The following KICS2 variants were observed in gnomAD, a reference collection of about 807,000 sequenced individuals.
The protein encoded by KICS2 is KICSTOR complex protein C12orf66.
A neutral mutation model predicts 31.4 loss-of-function variants in KICS2; 13 were observed. That is an observed-to-expected ratio of 0.41 (90% CI 0.27 to 0.66). The LOEUF is 0.66. Among genes scored for constraint, KICS2 ranks in the 30% least tolerant of loss-of-function variants. KICS2 has a pLI of 0.28. For synonymous variants in KICS2, 209 were observed against 214.8 expected, an observed-to-expected ratio of 0.97 and a Z score of 0.24; for missense variants, 455 against 545.4, an observed-to-expected ratio of 0.83 and a Z score of 1.65.
chr12:64,218,635 G>A (rs577608109), intron 1 of KICS2, among the ~76,000 whole-genome samples: 5 of 152,020 alleles, frequency 3.3e-5, no homozygotes, highest in Non-Finnish European at 5.9e-5. Context: ...ACTATTAAAC[G>A]GGGTGGCCTT....
intron 1 of KICS2, among the ~76,000 whole-genome samples, chr12:64,220,340 G>A (rs1300146493): frequency 1.3e-5 from 2 of 151,988 alleles, no homozygotes; most frequent in Non-Finnish European, 1.5e-5. Context: ...TTACACACAG[G>A]GCAGCCAGTT....
chr12:64,188,070 G>GA (rs1336418565), downstream of KICS2, among the ~76,000 whole-genome samples: 1 of 152,026 alleles, frequency 6.6e-6, no homozygotes, highest in Non-Finnish European at 1.5e-5. Flanking sequence ...CTCGCTGCCT[G>GA]AAAAAAAGTA....
Position 64,221,232 on chromosome 12 carries a change from G to A in KICS2, c.235+771C>T, listed in dbSNP as rs2037680004. Reference sequence around the variant, plus strand: ...CTGAAAATTGAAGAGTCTAAAACAGGTCAAAGTACTGACTCTGAAACCCCT... The same window carrying A: ...CTGAAAATTGAAGAGTCTAAAACAGATCAAAGTACTGACTCTGAAACCCCT... On this transcript the variant is annotated intron_variant, in intron 1 of 2. Coordinates refer to ENST00000398055, the MANE Select transcript of KICS2 (RefSeq NM_152440.5). 3.3e-5 allele frequency among the ~76,000 whole-genome samples: 5 copies of A among 152,036 alleles called. No individual in the cohort carries two copies. The South Asian group carries it at 1.0e-3, about 32-fold the overall frequency.
At chr12:64,216,098 T>A in intron 1 of KICS2, 135 bp from the exon 2 acceptor site, 1 of 686,518 alleles carries the variant, frequency 1.5e-6, no homozygotes, top group Non-Finnish European at 2.4e-6. Context: ...ATTCTCTGTC[T>A]ATGATTGAGA....
chr12:64,205,756 A>AAAGGGAAGGAAG (rs1565717641), intron 2 of KICS2, among the ~76,000 whole-genome samples: 3 of 35,162 alleles, frequency 8.5e-5, no homozygotes, highest in Admixed American at 5.8e-4. Context: ...GAGGGAGGGA[A>AAAGGGAAGGAAG]AAGGGAAGGA....
intron 2 of KICS2, among the ~76,000 whole-genome samples, chr12:64,195,197 G>C (rs1334492414): frequency 6.6e-6 from 1 of 152,204 alleles, no homozygotes; most frequent in Non-Finnish European, 1.5e-5. Flanking sequence ...TTACAGGTGT[G>C]GGCCACCATG....
chr12:64,216,091 C>T (rs757815707), intron 1 of KICS2, 128 bp from the exon 2 acceptor site: 168 of 644,758 alleles, frequency 2.6e-4, no homozygotes, highest in Non-Finnish European at 3.8e-4. Flanking sequence ...CTACCATATT[C>T]TCTGTCTATG....
chr12:64,219,200 C>T (rs1334753324), intron 1 of KICS2, among the ~76,000 whole-genome samples: 1 of 152,096 alleles, frequency 6.6e-6, no homozygotes, highest in African/African-American at 2.4e-5. Context: ...GCTAATAATA[C>T]TTTTTAAACA....
chr12:64,208,652 C>T (rs1272329508), intron 2 of KICS2, among the ~76,000 whole-genome samples: 2 of 152,106 alleles, frequency 1.3e-5, no homozygotes, highest in African/African-American at 2.4e-5. Context: ...TTCTGCCTTT[C>T]GTGAGAAATT....
downstream of KICS2, chr12:64,187,641 G>A: frequency 3.9e-6 from 6 of 1,535,664 alleles, no homozygotes; most frequent in Non-Finnish European, 5.2e-6. Flanking sequence ...TAATTGCATT[G>A]GTAACAGGAA....
intron 2 of KICS2, among the ~76,000 whole-genome samples, chr12:64,197,305 TAAAGA>T (rs1335633266): frequency 7.0e-6 from 1 of 141,932 alleles, no homozygotes; most frequent in Admixed American, 7.1e-5. Context: ...TCAACATTCT[TAAAGA>T]AAAGAATTTT....
Position 64,192,785 on chromosome 12 carries a change from T to C in KICS2, c.*1057A>G. On this transcript the variant is annotated 3_prime_UTR_variant, in exon 3 of 3. Transcript: ENST00000398055. ...GGCAGCATGTGCTAAGATGCAGTGC[T>C]GCTTCTAAACATAATTTGTGGGGGG... is the stretch of plus-strand genomic sequence containing the variant. 1 of 985,486 alleles carries C rather than the reference T, an allele frequency of 1.0e-6. No homozygotes were observed. Among genetic ancestry groups the C allele is most frequent in the Non-Finnish European group, 1.2e-6 (1 of 829,954 alleles). The allele number at this position is 985,486 out of a possible 1,614,324, so 61.0% of individuals were successfully genotyped here.
At chr12:64,217,694 G>A (rs1161262300) in intron 1 of KICS2, among the ~76,000 whole-genome samples, 7 of 152,028 alleles carry the variant, frequency 4.6e-5, no homozygotes, top group Admixed American at 1.3e-4. Flanking sequence ...CCAGCTACTC[G>A]GGAGGCTGAG....
At position 64,206,757 on chromosome 12, in the gene KICS2, G is replaced by A. The variant is rs148747217; in HGVS notation, c.521+8921C>T. 5.4e-3 allele frequency among the ~76,000 whole-genome samples: 819 copies of A among 152,216 alleles called. 14 individuals are homozygous for A. Among genetic ancestry groups the A allele is most frequent in the African/African-American group, 0.019 (783 of 41,520 alleles). ...ATGCTACAACATAGGTGAATCTCAA[G>A]GACATTATGGTAACTGAAATAAGCC... is the stretch of plus-strand genomic sequence containing the variant. On this transcript the variant is annotated intron_variant, in intron 2 of 2. Transcript: ENST00000398055.
At position 64,191,457 on chromosome 12, in the gene KICS2, C is replaced by A. The variant is rs145196930; in HGVS notation, c.*2385G>T. 6.6e-6 allele frequency: 1 copy of A among 152,068 alleles called. No homozygotes were observed. The highest frequency in any genetic ancestry group is 6.5e-5 in the Admixed American group (1 of 15,268). 9.4% of individuals were successfully genotyped at this position (152,068 alleles called of 1,614,324 possible). ...ATAACATATATATGCTTTACTTACA[C>A]CTCTCTCGGGGTTCCACTGAAGTAT... is the stretch of plus-strand genomic sequence containing the variant. On this transcript the variant is annotated 3_prime_UTR_variant, in exon 3 of 3. Coordinates refer to ENST00000398055, the MANE Select transcript of KICS2 (RefSeq NM_152440.5).
At position 64,201,700 on chromosome 12, in the gene KICS2, G is replaced by A. The variant is rs528183648; in HGVS notation, c.522-7042C>T. On this transcript the variant is annotated intron_variant, in intron 2 of 2. Transcript: ENST00000398055. ...CTTACTAAAAATACAAAAATTAGCCGGGCATGGTGACATGTGCCTGTAATC... is the reference window on the plus strand; with the variant it reads ...CTTACTAAAAATACAAAAATTAGCCAGGCATGGTGACATGTGCCTGTAATC... Among the ~76,000 whole-genome samples, 4 of 150,808 alleles carry A rather than the reference G, an allele frequency of 2.7e-5. No homozygotes were observed. The East Asian group carries it at 5.8e-4, about 22-fold the overall frequency.
At position 64,194,665 on chromosome 12, in the gene KICS2, G is replaced by A. The variant is rs780137539; in HGVS notation, c.522-7C>T. ...GAGGATTGGGTGGTGAAATCTAAAG[G>A]GGAGAGGGAAATAGAGATAAGTGGA... On this transcript the variant is annotated splice_polypyrimidine_tract_variant and splice_region_variant and intron_variant, in intron 2 of 2. Coordinates refer to ENST00000398055, the MANE Select transcript of KICS2 (RefSeq NM_152440.5). The A allele has an allele frequency of 4.4e-6, 7 of 1,598,166 alleles. No individual in the cohort carries two copies. Among genetic ancestry groups the A allele is most frequent in the Middle Eastern group, 1.7e-4 (1 of 5,976 alleles).
chr12:64,187,742 C>T, downstream of KICS2: 2 of 1,039,590 alleles, frequency 1.9e-6, no homozygotes, highest in Non-Finnish European at 2.7e-6. Flanking sequence ...TTGTTTCTCA[C>T]TTAGGAGAAA....
chr12:64,220,750 T>C (rs2037673705), intron 1 of KICS2, among the ~76,000 whole-genome samples: 1 of 152,206 alleles, frequency 6.6e-6, no homozygotes. Flanking sequence ...GTTATATGAA[T>C]GCAAACTCAA....
Sources: allele counts gnomAD v4.1 joint callset (sites outside exome capture counted in the v4.1 genomes callset), GRCh38; gene constraint gnomAD v4.1.1; transcripts MANE v1.5; gene names NCBI Gene and HGNC (gene_info 2026-07-23, HGNC 2026-07-21).